ARHGEF12: variants seen among roughly 807,000 people sequenced by gnomAD.
The protein encoded by ARHGEF12 is KMT2A/ARHGEF12 fusion protein.
A neutral mutation model predicts 211.2 loss-of-function variants in ARHGEF12; 66 were observed. The observed-to-expected ratio is 0.31, with a 90% CI of 0.26 to 0.38. The LOEUF is 0.38. ARHGEF12 is among the 10% of genes least tolerant of loss of function. The probability of loss-of-function intolerance (pLI) is 1.00; values close to 1 mark genes in which losing one functional copy is unlikely to be tolerated. For missense variants in ARHGEF12, 1,429 were observed against 1,869.5 expected, an observed-to-expected ratio of 0.76 and a Z score of 4.34; for synonymous variants, 592 against 638.4, an observed-to-expected ratio of 0.93 and a Z score of 1.09.
rs1009623499 is a variant in ARHGEF12, at chr11:120,487,523, G to A, written c.*2446G>A. On this transcript the variant is annotated 3_prime_UTR_variant, in exon 41 of 41. Transcript: ENST00000397843. ...TTATAGTCACATCCGTTTGACTTTG[G>A]TTGTGACATCTTCCTTTCAGGATGA... 3 of 214,242 alleles carry A rather than the reference G, an allele frequency of 1.4e-5. No individual in the cohort carries two copies. The highest frequency in any genetic ancestry group is 2.8e-5 in the Non-Finnish European group (3 of 106,128). The allele number at this position is 214,242 out of a possible 1,614,324, so 13.3% of individuals were successfully genotyped here. A position where few individuals can be genotyped will look rare whatever the true frequency, so the allele number is the denominator to read the frequency against.
At position 120,405,855 on chromosome 11, in the gene ARHGEF12, T is replaced by C. The variant is rs183393045; in HGVS notation, c.33-263T>C. ...CCCTTTATAAATTTAGCAATTGCTC[T>C]TATTATTGGGATTTTTAAAAAGAAA... On this transcript the variant is annotated intron_variant, in intron 1 of 40. Coordinates refer to ENST00000397843, the MANE Select transcript of ARHGEF12 (RefSeq NM_015313.3). The C allele has an allele frequency of 1.4e-3, 435 of 315,368 alleles. 4 individuals carry two copies. Among genetic ancestry groups the C allele is most frequent in the African/African-American group, 8.8e-3 (408 of 46,560 alleles). The allele number at this position is 315,368 out of a possible 1,614,324, so 19.5% of individuals were successfully genotyped here.
chr11:120,469,423 T>C (rs757133390), intron 30 of ARHGEF12, 35 bp downstream of exon 30: 3 of 1,490,452 alleles, frequency 2.0e-6, no homozygotes, highest in East Asian at 2.3e-5. Flanking sequence ...CAGGATGACA[T>C]TGGGAGAACA....
chr11:120,437,338 T>G lies in ARHGEF12; in HGVS notation c.955T>G (p.Tyr319Asp). ...CAAGAGTGGCCCAAAAGAGAGAATT[T>G]ATCTAGAGGAAAACCCAGAGAAAAG... ...SPKSGPKERI[Y>D]LEENPEKSET... The change falls in exon 12 of 41, where the codon TAT (tyrosine) becomes GAT (aspartate). Residue 319 changes from tyrosine to aspartate, a missense_variant. Transcript: ENST00000397843. 1 of 1,613,204 alleles carries G rather than the reference T, an allele frequency of 6.2e-7. No individual in the cohort carries two copies. Among genetic ancestry groups the G allele is most frequent in the Non-Finnish European group, 8.5e-7 (1 of 1,179,576 alleles).
chr11:120,465,583 C>T (rs1054135871), intron 28 of ARHGEF12, among the ~76,000 whole-genome samples: 6 of 152,118 alleles, frequency 3.9e-5, no homozygotes, highest in African/African-American at 1.4e-4. Flanking sequence ...TCTCCTGCCT[C>T]AGCCTTCCTA....
intron 33 of ARHGEF12, chr11:120,476,261 AG>A (rs1947025317): frequency 6.4e-6 from 1 of 156,840 alleles, no homozygotes; most frequent in Admixed American, 6.2e-5. Context: ...ATGTAGAGGC[AG>A]GGTTTCGCCA....
chr11:120,399,748 G>C (rs886763264), intron 1 of ARHGEF12, among the ~76,000 whole-genome samples: 1 of 151,930 alleles, frequency 6.6e-6, no homozygotes, highest in Non-Finnish European at 1.5e-5. Flanking sequence ...ACTTTTTCTT[G>C]CTGCAGAATG....
At chr11:120,466,068 A>G (rs1027497671) in intron 28 of ARHGEF12, among the ~76,000 whole-genome samples, 1 of 152,238 alleles carries the variant, frequency 6.6e-6, no homozygotes, top group Non-Finnish European at 1.5e-5. Flanking sequence ...ACCTGTTTTT[A>G]TAAAGTTTTA....
intron 27 of ARHGEF12, among the ~76,000 whole-genome samples, chr11:120,462,394 A>G (rs1946560852): frequency 6.6e-6 from 1 of 152,218 alleles, no homozygotes; most frequent in South Asian, 2.1e-4. Flanking sequence ...AACATCAAAG[A>G]TCACTGATGA....
chr11:120,429,475 A>C lies in ARHGEF12; in HGVS notation c.621A>C (p.Glu207Asp), dbSNP rs1418143644. 3.1e-6 allele frequency: 5 copies of C among 1,613,746 alleles called. No homozygotes were observed. Among genetic ancestry groups the C allele is most frequent in the Non-Finnish European group, 4.2e-6 (5 of 1,179,894 alleles). The change falls in exon 9 of 41, where the codon GAA becomes GAC. Residue 207 changes from glutamate to aspartate, a missense_variant. By Grantham distance (45) the Glu-to-Asp change is conservative (BLOSUM62 2). This residue lies in a region of ARHGEF12 where 254 missense variants were observed against 286.4 expected (regional missense o/e 0.89). Transcript: ENST00000397843. ...ATGTGGTTCATAACCAGAAAGTAGA[A>C]ATTCTGAGAAAAATGTTACAGAAAG... ...ENNVVHNQKV[E>D]ILRKMLQKEQ...
chr11:120,364,091 G>A (rs115945342), intron 1 of ARHGEF12, among the ~76,000 whole-genome samples: 1,678 of 152,156 alleles, frequency 0.011, 31 homozygotes, highest in African/African-American at 0.038. Flanking sequence ...CTACAGGCTC[G>A]AGCCACTGTG....
At chr11:120,347,183 C>CCTTTCTTTCTTTCTTTCTTT (rs58396345) in intron 1 of ARHGEF12, among the ~76,000 whole-genome samples, 2,337 of 100,136 alleles carry the variant, frequency 0.023, 111 homozygotes, top group Middle Eastern at 0.049. Context: ...TTCCTTCCTT[C>CCTTTCTTTCTTTCTTTCTTT]CTTTCTTTCT....
intron 4 of ARHGEF12, chr11:120,411,904 C>T (rs1404892243): frequency 6.6e-6 from 1 of 151,766 alleles, no homozygotes; most frequent in Admixed American, 6.6e-5. Context: ...AAGCAGTCCT[C>T]CCAAAATGCT....
intron 4 of ARHGEF12, among the ~76,000 whole-genome samples, chr11:120,417,951 A>G (rs1016569301): frequency 4.6e-5 from 7 of 152,234 alleles, no homozygotes; most frequent in African/African-American, 1.7e-4. Flanking sequence ...ATGTGTTATC[A>G]CCTGACCTCA....
chr11:120,369,483 C>G (rs1943529734), intron 1 of ARHGEF12, among the ~76,000 whole-genome samples: 1 of 152,128 alleles, frequency 6.6e-6, no homozygotes, highest in Non-Finnish European at 1.5e-5. Context: ...TAAAGGAGAG[C>G]TATTTCAGAA....
intron 8 of ARHGEF12, 63 bp from the exon 9 acceptor site, chr11:120,429,377 T>C (rs1945458127): frequency 1.4e-6 from 2 of 1,390,208 alleles, no homozygotes; most frequent in African/African-American, 1.4e-5. Flanking sequence ...ATTTTCTCTA[T>C]TTATTTTAGC....
intron 30 of ARHGEF12, among the ~76,000 whole-genome samples, chr11:120,471,535 GGTT>G (rs1231963780): frequency 1.3e-5 from 2 of 152,140 alleles, no homozygotes; most frequent in Non-Finnish European, 2.9e-5. Context: ...TAGAAGTTTA[GGTT>G]ACACAAATGT....
intron 11 of ARHGEF12, among the ~76,000 whole-genome samples, chr11:120,433,722 A>G (rs1945613023): frequency 6.6e-6 from 1 of 152,178 alleles, no homozygotes; most frequent in African/African-American, 2.4e-5. Context: ...TTGGGAGGCC[A>G]AGGCAGGCCA....
intron 1 of ARHGEF12, among the ~76,000 whole-genome samples, chr11:120,402,522 T>C (rs889336039): frequency 6.6e-6 from 1 of 152,222 alleles, no homozygotes; most frequent in Non-Finnish European, 1.5e-5. Context: ...ATTCTTTGAC[T>C]GCTAATAAAA....
intron 1 of ARHGEF12, among the ~76,000 whole-genome samples, chr11:120,389,094 C>T (rs1944130634): frequency 6.6e-6 from 1 of 152,094 alleles, no homozygotes; most frequent in African/African-American, 2.4e-5. Flanking sequence ...TGGTTTCGAA[C>T]TCCTGACCTC....
Sources: gnomAD v4.1 joint callset for allele counts (sites outside exome capture counted in the v4.1 genomes callset) on GRCh38, gnomAD v4.1.1 for gene constraint, gnomAD v4.1.1 regional missense constraint, MANE v1.5 for transcripts, NCBI Gene and HGNC (gene_info 2026-07-23, HGNC 2026-07-21) for gene names.